ATP2B2: variants seen among roughly 807,000 people sequenced by gnomAD.
ATP2B2 encodes the protein plasma membrane calcium-transporting ATPase 2.
In ATP2B2, 15 loss-of-function variants were observed where a neutral mutation model predicts 120.0. That is an observed-to-expected ratio of 0.12 (90% CI 0.08 to 0.19). The LOEUF (loss-of-function observed/expected upper bound fraction) is 0.19, where lower values mean the gene tolerates loss of function less well. ATP2B2 is among the 10% of genes least tolerant of loss of function. ATP2B2 has a pLI of 1.00. For synonymous variants in ATP2B2, 694 were observed against 700.3 expected (o/e 0.99, Z 0.14); for missense variants, 1,045 against 1,719.8 (o/e 0.61, Z 6.94).
chr3:10,461,169 C>T (rs1413476900), intron 1 of ATP2B2, among the ~76,000 whole-genome samples: 4 of 152,158 alleles, frequency 2.6e-5, no homozygotes, highest in South Asian at 2.1e-4. Flanking sequence ...CAGGGATTTG[C>T]GTATGTGCAT....
chr3:10,331,369 T>C lies in ATP2B2; in HGVS notation c.3421-2244A>G, dbSNP rs550266547. On this transcript the variant is annotated intron_variant, in intron 22 of 22. Coordinates refer to ENST00000360273, the MANE Select transcript of ATP2B2 (RefSeq NM_001001331.4). ...TCAAGGCTGTAGCTGCCTAGCCTGGTGCTCAGTGTGTTCTGAGGTTGAAGT... is the reference window on the plus strand; with the variant it reads ...TCAAGGCTGTAGCTGCCTAGCCTGGCGCTCAGTGTGTTCTGAGGTTGAAGT... Among the ~76,000 whole-genome samples the C allele has an allele frequency of 1.7e-3, 263 of 152,340 alleles. 1 individual carries two copies. Among genetic ancestry groups the C allele is most frequent in the Non-Finnish European group, 3.2e-3 (219 of 68,026 alleles).
intron 3 of ATP2B2, among the ~76,000 whole-genome samples, chr3:10,407,602 C>A (rs930225917): frequency 6.6e-6 from 1 of 152,190 alleles, no homozygotes. Context: ...GGGCAGTGGA[C>A]CTCTGAGGAC....
At chr3:10,624,123 A>G (rs1447737253) in intron 1 of ATP2B2, among the ~76,000 whole-genome samples, 1 of 152,194 alleles carries the variant, frequency 6.6e-6, no homozygotes, top group African/African-American at 2.4e-5. Context: ...CATAGAAACC[A>G]GCTTAGTTTG....
intron 2 of ATP2B2, among the ~76,000 whole-genome samples, chr3:10,592,425 C>T (rs1014169114): frequency 6.6e-6 from 1 of 152,268 alleles, no homozygotes; most frequent in African/African-American, 2.4e-5. Context: ...ATGGCCCTTC[C>T]TCTCTGCCCC....
In ATP2B2 at chr3:10,359,451, T is replaced by A. The variant is rs1311975090; in HGVS notation, c.1901+431A>T. Among the ~76,000 whole-genome samples, 5 of 152,080 alleles carry A rather than the reference T, an allele frequency of 3.3e-5. No homozygotes were observed. The East Asian group carries it at 7.7e-4, about 24-fold the overall frequency. Reference sequence around the variant, plus strand: ...AACTGAGGCCAGAGAGGGGAAGGGATTTGCTTAGTTCACCAGGCTTATTTC... The same window carrying A: ...AACTGAGGCCAGAGAGGGGAAGGGAATTGCTTAGTTCACCAGGCTTATTTC... On this transcript the variant is annotated intron_variant, in intron 13 of 22. Transcript: ENST00000360273.
chr3:10,400,843 C>T (rs1298257242), intron 5 of ATP2B2, 110 bp downstream of exon 5: 8 of 1,535,924 alleles, frequency 5.2e-6, no homozygotes, highest in Non-Finnish European at 7.2e-6. Context: ...GCTGGAGATA[C>T]CAGAGCCAAG....
chr3:10,348,310 G>A (rs1161899510), intron 16 of ATP2B2, among the ~76,000 whole-genome samples: 1 of 152,032 alleles, frequency 6.6e-6, no homozygotes, highest in Non-Finnish European at 1.5e-5. Flanking sequence ...CACCACTGTG[G>A]GCAGGTGACA....
At chr3:10,658,742 A>G (rs1039799129) in intron 1 of ATP2B2, among the ~76,000 whole-genome samples, 16 of 152,108 alleles carry the variant, frequency 1.1e-4, no homozygotes, top group Non-Finnish European at 7.3e-5. Context: ...AAATACAGAG[A>G]ATGCCACAAA....
Position 10,346,257 on chromosome 3 carries a change from C to A in ATP2B2, c.2405-120G>T. On this transcript the variant is annotated intron_variant, in intron 16 of 22. Coordinates refer to ENST00000360273, the MANE Select transcript of ATP2B2 (RefSeq NM_001001331.4). This position sits in a 1 kb window ranked among gnomAD's most constrained non-coding sequence, Gnocchi z 4.1. ...GCTTCCTCTCTGGTCCCTGTCCAGC[C>A]GCCCCCTCCATCCAGGCTCTTCCCA... 1 of 937,000 alleles carries A rather than the reference C, an allele frequency of 1.1e-6. No homozygotes were observed. Among genetic ancestry groups the A allele is most frequent in the Non-Finnish European group, 1.7e-6 (1 of 599,828 alleles). The allele number at this position is 937,000 out of a possible 1,614,324, so 58.0% of individuals were successfully genotyped here.
chr3:10,541,557 A>G (rs1200482661), intron 2 of ATP2B2, among the ~76,000 whole-genome samples: 5 of 152,144 alleles, frequency 3.3e-5, no homozygotes, highest in South Asian at 4.1e-4. Flanking sequence ...TTAGTTTCTA[A>G]GTGATTGGAT....
chr3:10,378,921 C>T (rs772685954), intron 9 of ATP2B2, among the ~76,000 whole-genome samples: 5 of 152,228 alleles, frequency 3.3e-5, no homozygotes, highest in Admixed American at 6.5e-5. Flanking sequence ...CTGGAGGGCC[C>T]GTGACCCTTT....
chr3:10,679,692 A>G (rs1322266889), intron 1 of ATP2B2, among the ~76,000 whole-genome samples: 1 of 152,228 alleles, frequency 6.6e-6, no homozygotes, highest in African/African-American at 2.4e-5. Flanking sequence ...TAGTCACACC[A>G]GGTAATTCTA....
chr3:10,500,176 G>A (rs2066327066), intron 1 of ATP2B2, among the ~76,000 whole-genome samples: 1 of 151,886 alleles, frequency 6.6e-6, no homozygotes, highest in Admixed American at 6.6e-5. Context: ...GACCTCAGGT[G>A]ATCCACCTGT....
At chr3:10,471,442 G>C (rs184703129) in intron 1 of ATP2B2, among the ~76,000 whole-genome samples, 177 of 152,240 alleles carry the variant, frequency 1.2e-3, no homozygotes, top group African/African-American at 4.0e-3. Context: ...GTGCAGATGT[G>C]TGTGTGTGTG....
intron 1 of ATP2B2, among the ~76,000 whole-genome samples, chr3:10,698,503 C>A (rs1187827496): frequency 6.6e-6 from 1 of 152,204 alleles, no homozygotes; most frequent in Admixed American, 6.5e-5. Context: ...GGCTCCCTGG[C>A]TCAACAGTTA....
chr3:10,588,364 A>G (rs1444917448), intron 2 of ATP2B2, among the ~76,000 whole-genome samples: 2 of 152,200 alleles, frequency 1.3e-5, no homozygotes, highest in Non-Finnish European at 2.9e-5. Flanking sequence ...TTTGTAAAGG[A>G]TCAGTCATAC....
At chr3:10,368,943 T>C (rs1435085410) in intron 12 of ATP2B2, among the ~76,000 whole-genome samples, 1 of 152,204 alleles carries the variant, frequency 6.6e-6, no homozygotes, top group Non-Finnish European at 1.5e-5. Flanking sequence ...CAAAAGTCTA[T>C]CCAAGGGGGA....
At chr3:10,434,901 CT>C (rs2063429349) in intron 2 of ATP2B2, among the ~76,000 whole-genome samples, 1 of 152,268 alleles carries the variant, frequency 6.6e-6, no homozygotes, top group African/African-American at 2.4e-5. Flanking sequence ...GGCCCCTCCC[CT>C]GGCCCCTCTT....
intron 2 of ATP2B2, among the ~76,000 whole-genome samples, chr3:10,606,071 T>C (rs2069056874): frequency 6.6e-6 from 1 of 152,012 alleles, no homozygotes; most frequent in Non-Finnish European, 1.5e-5. Context: ...CGAGCTACGA[T>C]TGTACCACCG....
Sources: gnomAD v4.1 joint callset for allele counts (sites outside exome capture counted in the v4.1 genomes callset) on GRCh38, gnomAD v4.1.1 for gene constraint, Gnocchi (gnomAD v3.1) non-coding constraint, MANE v1.5 for transcripts, NCBI Gene and HGNC (gene_info 2026-07-23, HGNC 2026-07-21) for gene names.